The following EPS15 variants were observed in gnomAD, a reference collection of about 807,000 sequenced individuals.
The protein encoded by EPS15 is epidermal growth factor receptor pathway substrate 15.
EPS15 carries 72 observed loss-of-function variants against 113.8 expected under a neutral mutation model. The ratio of observed to expected loss-of-function variants is 0.63; its 90% CI spans 0.52 to 0.77. EPS15 has a LOEUF of 0.77. EPS15 is among the 30% of genes least tolerant of loss of function. EPS15 has a pLI of 0.00. For synonymous variants in EPS15, 344 were observed against 363.4 expected, an observed-to-expected ratio of 0.95 and a Z score of 0.61; for missense variants, 1,048 against 1,045.8, an observed-to-expected ratio of 1.00 and a Z score of -0.03.
intron 12 of EPS15, chr1:51,423,695 C>CA (rs989779832): frequency 1.7e-5 from 17 of 985,282 alleles, no homozygotes; most frequent in Non-Finnish European, 1.9e-5. Flanking sequence ...CTGTCACTGA[C>CA]AGTGTCTGCT....
At chr1:51,466,481 G>A (rs1166684867) in intron 5 of EPS15, among the ~76,000 whole-genome samples, 1 of 151,650 alleles carries the variant, frequency 6.6e-6, no homozygotes, top group Non-Finnish European at 1.5e-5. Flanking sequence ...AATTTAGCCG[G>A]GTGTGGTGGT....
At chr1:51,357,398 AT>A (rs1646251444) in intron 24 of EPS15, among the ~76,000 whole-genome samples, 1 of 49,576 alleles carries the variant, frequency 2.0e-5, no homozygotes, top group Non-Finnish European at 3.5e-5. Context: ...AAAAATATAT[AT>A]ATATATATAT....
chr1:51,416,291 G>C (rs557466686), intron 13 of EPS15, among the ~76,000 whole-genome samples: 1 of 152,162 alleles, frequency 6.6e-6, no homozygotes, highest in Non-Finnish European at 1.5e-5. Flanking sequence ...GACATTTGCA[G>C]ATGCTTTCCT....
At chr1:51,493,004 G>A (rs1422823448) in intron 1 of EPS15, among the ~76,000 whole-genome samples, 2 of 146,648 alleles carry the variant, frequency 1.4e-5, no homozygotes, top group Non-Finnish European at 1.5e-5. Flanking sequence ...AAGGCGGGCG[G>A]ATCACAAGAT....
In EPS15 at chr1:51,463,793, T is replaced by C. The variant is rs371238050; in HGVS notation, c.381A>G (p.Glu127=). 18 of 1,582,930 alleles carry C rather than the reference T, an allele frequency of 1.1e-5. No homozygotes were observed. Among genetic ancestry groups the C allele is most frequent in the Non-Finnish European group, 1.5e-5 (17 of 1,161,306 alleles). The change falls in exon 7 of 25, where the codon GAA becomes GAG. Residue 127 remains glutamate (E), a synonymous_variant. Transcript: ENST00000371733. Reference sequence around the variant, plus strand: ...ATATTGCATCATATTTGGCCTTATCTTCAGGCTACAATAAAAAACAAAATC... The same window carrying C: ...ATATTGCATCATATTTGGCCTTATCCTCAGGCTACAATAAAAAACAAAATC... ...AAELPWAVKP[E]DKAKYDAIFD... is the part of the protein sequence containing the mutation.
intron 5 of EPS15, among the ~76,000 whole-genome samples, chr1:51,465,600 T>G (rs1455107276): frequency 6.6e-6 from 1 of 152,032 alleles, no homozygotes; most frequent in Non-Finnish European, 1.5e-5. Context: ...GTGGCATGAT[T>G]TCGGCTCACT....
intron 5 of EPS15, 104 bp downstream of exon 5, chr1:51,468,369 G>T: frequency 1.2e-6 from 1 of 853,702 alleles, no homozygotes; most frequent in Non-Finnish European, 1.9e-6. Context: ...TGAGTGAAAG[G>T]GCCAAAGGGA....
rs1045250979 is a variant in EPS15, at chr1:51,423,107, G to C, written c.1041-1249C>G. 8 of 832,710 alleles carry C rather than the reference G, an allele frequency of 9.6e-6. No individual in the cohort carries two copies. The Admixed American group carries it at 1.9e-4, about 20-fold the overall frequency. 51.6% of individuals were successfully genotyped at this position (832,710 alleles called of 1,614,324 possible). On this transcript the variant is annotated intron_variant, in intron 12 of 24. Transcript: ENST00000371733. ...AAAAATCAACTGTTTTGGATACGTA[G>C]GCACAATGTTCTTAAGATGTCTATG...
intron 12 of EPS15, among the ~76,000 whole-genome samples, chr1:51,433,986 C>G (rs1557465326): frequency 6.6e-6 from 1 of 152,208 alleles, no homozygotes; most frequent in Non-Finnish European, 1.5e-5. Context: ...AGGCATTTTA[C>G]TGTCACAGCA....
intron 1 of EPS15, among the ~76,000 whole-genome samples, chr1:51,488,274 C>A (rs1644161117): frequency 6.6e-6 from 1 of 150,996 alleles, no homozygotes. Flanking sequence ...CAAAATCTGA[C>A]CTTTTACAAT....
intron 1 of EPS15, among the ~76,000 whole-genome samples, chr1:51,514,880 A>G (rs1644686565): frequency 6.6e-6 from 1 of 152,216 alleles, no homozygotes. Context: ...CAATAAAGAA[A>G]AACATCATTA....
At chr1:51,364,125 ATTTAT>A in intron 22 of EPS15, 97 bp from the exon 23 acceptor site, 1 of 907,764 alleles carries the variant, frequency 1.1e-6, no homozygotes, top group Non-Finnish European at 1.5e-6. Flanking sequence ...ATACAGTTTT[ATTTAT>A]TTTAATTCTG....
chr1:51,397,455 TTAGAAGAGC>T (rs1648062194), intron 20 of EPS15, among the ~76,000 whole-genome samples: 1 of 152,194 alleles, frequency 6.6e-6, no homozygotes, highest in African/African-American at 2.4e-5. Context: ...CATTTTTAAA[TTAGAAGAGC>T]TAATTTAGCT....
intron 12 of EPS15, chr1:51,423,725 G>C: frequency 2.0e-6 from 2 of 985,390 alleles, no homozygotes; most frequent in Non-Finnish European, 2.4e-6. Context: ...TGTGCATGCA[G>C]GAAAACAGGG....
chr1:51,379,801 C>T (rs1321483461), intron 21 of EPS15, among the ~76,000 whole-genome samples: 1 of 152,130 alleles, frequency 6.6e-6, no homozygotes, highest in Non-Finnish European at 1.5e-5. Flanking sequence ...GTGGCTCATG[C>T]CTGTAATCCC....
chr1:51,403,006 T>C (rs1648728160), intron 17 of EPS15, among the ~76,000 whole-genome samples: 1 of 152,214 alleles, frequency 6.6e-6, no homozygotes, highest in African/African-American at 2.4e-5. Flanking sequence ...TAACATATTT[T>C]TCTCTTTCCT....
chr1:51,503,040 G>C (rs1483881783), intron 1 of EPS15, among the ~76,000 whole-genome samples: 1 of 148,994 alleles, frequency 6.7e-6, no homozygotes, highest in Non-Finnish European at 1.5e-5. Context: ...ATTCACAATA[G>C]CATCAAACAG....
chr1:51,376,866 T>C (rs1425874275), intron 21 of EPS15, among the ~76,000 whole-genome samples: 1 of 152,140 alleles, frequency 6.6e-6, no homozygotes. Context: ...AGAAATACAC[T>C]TTATAAGGCT....
rs900558228 is a variant in EPS15 at position 51,355,497 on chromosome 1, A to C, written c.*1203T>G. ...CAGTTTTACAGGAGATGGTCTTTTA[A>C]CATGAAGAGGTCTGATAATCTGGCA... On this transcript the variant is annotated 3_prime_UTR_variant, in exon 25 of 25. Transcript: ENST00000371733. 1 of 193,734 alleles carries C rather than the reference A, an allele frequency of 5.2e-6. No individual in the cohort carries two copies. The highest frequency in any genetic ancestry group is 6.1e-5 in the Admixed American group (1 of 16,404). The allele number at this position is 193,734 out of a possible 1,614,324, so 12.0% of individuals were successfully genotyped here.
Sources: allele counts gnomAD v4.1 joint callset (sites outside exome capture counted in the v4.1 genomes callset), GRCh38; gene constraint gnomAD v4.1.1; transcripts MANE v1.5; gene names NCBI Gene and HGNC (gene_info 2026-07-23, HGNC 2026-07-21).